RNF185: variants seen among roughly 807,000 people sequenced by gnomAD.
RNF185 encodes ring finger protein 185, also known as E3 ubiquitin-protein ligase RNF185.
RNF185 carries 13 observed loss-of-function variants against 24.9 expected under a neutral mutation model. The ratio of observed to expected loss-of-function variants is 0.52; its 90% CI spans 0.34 to 0.83. RNF185 has a LOEUF of 0.83. Ranked by LOEUF, RNF185 falls within the 40% of genes least tolerant of loss-of-function variation. The pLI is 0.01. For synonymous variants in RNF185, 79 were observed against 90.3 expected (o/e 0.88, Z 0.71); for missense variants, 184 against 244.7 (o/e 0.75, Z 1.65).
At chr22:31,171,236 C>G (rs1014029421) in intron 1 of RNF185, among the ~76,000 whole-genome samples, 1 of 151,596 alleles carries the variant, frequency 6.6e-6, no homozygotes, top group African/African-American at 2.4e-5. Context: ...ATGGCGCCAT[C>G]TTGGCTCACT....
intron 1 of RNF185, among the ~76,000 whole-genome samples, chr22:31,184,453 C>T (rs2147943252): frequency 6.6e-6 from 1 of 151,974 alleles, no homozygotes; most frequent in East Asian, 2.0e-4. Flanking sequence ...GGCAGAGGGG[C>T]TCCTCACATC....
intron 1 of RNF185, among the ~76,000 whole-genome samples, chr22:31,183,346 T>G (rs1347572059): frequency 6.6e-6 from 1 of 152,190 alleles, no homozygotes; most frequent in Non-Finnish European, 1.5e-5. Flanking sequence ...ACTTTATGGT[T>G]GTCTTTCCAA....
intron 2 of RNF185, among the ~76,000 whole-genome samples, chr22:31,189,683 G>A (rs1175108510): frequency 1.3e-5 from 2 of 150,276 alleles, no homozygotes; most frequent in African/African-American, 2.5e-5. Context: ...TCGGCTCACT[G>A]CAATCTCTGC....
chr22:31,175,021 C>T (rs576900523), intron 1 of RNF185, among the ~76,000 whole-genome samples: 52 of 151,196 alleles, frequency 3.4e-4, no homozygotes, highest in Non-Finnish European at 4.9e-4. Context: ...TGCGGTGAGC[C>T]GAGATCGCGC....
At position 31,204,789 on chromosome 22, in the gene RNF185, A is replaced by C; in HGVS notation, c.*203A>C. ...CCTGAATATCGCCACCGCTGTAAAC[A>C]CTCTATAACTTCAGGCCTTGGCATT... On this transcript the variant is annotated 3_prime_UTR_variant, in exon 7 of 7. Transcript: ENST00000326132. 2 of 541,100 alleles carry C rather than the reference A, an allele frequency of 3.7e-6. No individual in the cohort carries two copies. The highest frequency in any genetic ancestry group is 3.4e-6 in the Non-Finnish European group (1 of 298,082). The allele number at this position is 541,100 out of a possible 1,614,324, so 33.5% of individuals were successfully genotyped here. A position where few individuals can be genotyped will look rare whatever the true frequency, so the allele number is the denominator to read the frequency against.
intron 3 of RNF185, among the ~76,000 whole-genome samples, chr22:31,193,267 A>T (rs545984726): frequency 6.6e-6 from 1 of 152,286 alleles, no homozygotes; most frequent in African/African-American, 2.4e-5. Flanking sequence ...GGGAGGACAG[A>T]AGTTCCAGAC....
intron 2 of RNF185, among the ~76,000 whole-genome samples, chr22:31,188,694 G>A (rs1332837118): frequency 6.6e-6 from 1 of 151,962 alleles, no homozygotes; most frequent in African/African-American, 2.4e-5. Flanking sequence ...GGCGGTACCT[G>A]TAGTCCTAGC....
intron 1 of RNF185, among the ~76,000 whole-genome samples, chr22:31,186,808 G>A (rs1432272108): frequency 6.6e-6 from 1 of 152,182 alleles, no homozygotes; most frequent in Non-Finnish European, 1.5e-5. Context: ...AGGCTGCTCT[G>A]TATTTGGTGG....
At chr22:31,189,280 CTTTTTTTTTT>C (rs1050842065) in intron 2 of RNF185, among the ~76,000 whole-genome samples, 2 of 61,518 alleles carry the variant, frequency 3.3e-5, no homozygotes, top group Admixed American at 2.8e-4. Flanking sequence ...TGTTGTATAT[CTTTTTTTTTT>C]TTTTTTTTTT....
intron 1 of RNF185, among the ~76,000 whole-genome samples, chr22:31,183,878 G>A (rs1265346929): frequency 5.9e-5 from 9 of 152,248 alleles, no homozygotes; most frequent in Admixed American, 4.6e-4. Flanking sequence ...ATCATGGCCC[G>A]TTCTCAATGA....
intron 5 of RNF185, among the ~76,000 whole-genome samples, chr22:31,198,715 T>C (rs948495637): frequency 1.4e-5 from 2 of 142,796 alleles, no homozygotes; most frequent in Non-Finnish European, 3.0e-5. Flanking sequence ...TTTTTTTTTT[T>C]TTTTTTTTTT....
At chr22:31,187,831 A>G (rs181879097) in intron 2 of RNF185, among the ~76,000 whole-genome samples, 4 of 152,354 alleles carry the variant, frequency 2.6e-5, no homozygotes, top group Non-Finnish European at 4.4e-5. Context: ...TGAAGTGTCA[A>G]GGTCGGTGTC....
rs2048317963 is a variant in RNF185, at chr22:31,206,739, T to A, written c.*2153T>A. 1 of 152,222 alleles carries A rather than the reference T, an allele frequency of 6.6e-6. No individual in the cohort carries two copies. The highest frequency in any genetic ancestry group is 1.5e-5 in the Non-Finnish European group (1 of 68,052). 9.4% of individuals were successfully genotyped at this position (152,222 alleles called of 1,614,324 possible). A position where few individuals can be genotyped will look rare whatever the true frequency, so the allele number is the denominator to read the frequency against. On this transcript the variant is annotated 3_prime_UTR_variant, in exon 7 of 7. Transcript: ENST00000326132. ...GCTAAGTAAGGCAGGAGAGCTGACTTGGGACTCCTGGCTCGGCCCCAACAG... is the reference window on the plus strand; with the variant it reads ...GCTAAGTAAGGCAGGAGAGCTGACTAGGGACTCCTGGCTCGGCCCCAACAG...
intron 4 of RNF185, among the ~76,000 whole-genome samples, 198 bp downstream of exon 4, chr22:31,195,779 G>A (rs962508881): frequency 3.3e-5 from 5 of 152,198 alleles, no homozygotes; most frequent in Non-Finnish European, 1.5e-5. Context: ...ACCCAGCAGT[G>A]AACAGACATC....
In RNF185 at chr22:31,193,963, G is replaced by T. The variant is rs2048179806; in HGVS notation, c.195+1261G>T. ...GCTAGAGTGCAATGGTGAGATCTCG[G>T]CTCACTGGAACCTCCGCCTCCCGGG... is the stretch of plus-strand genomic sequence containing the variant. On this transcript the variant is annotated intron_variant, in intron 3 of 6. Coordinates refer to ENST00000326132, the MANE Select transcript of RNF185 (RefSeq NM_152267.4). Among the ~76,000 whole-genome samples the T allele has an allele frequency of 2.0e-5, 3 of 148,842 alleles. No individual in the cohort carries two copies. In the South Asian group the frequency reaches 6.5e-4, roughly 32 times the overall value.
At chr22:31,182,340 T>C (rs1277116754) in intron 1 of RNF185, among the ~76,000 whole-genome samples, 1 of 152,130 alleles carries the variant, frequency 6.6e-6, no homozygotes, top group Non-Finnish European at 1.5e-5. Context: ...CAGGCTGGAA[T>C]GCAGTGGTAT....
chr22:31,183,743 T>G (rs1308528234), intron 1 of RNF185, among the ~76,000 whole-genome samples: 1 of 152,242 alleles, frequency 6.6e-6, no homozygotes, highest in African/African-American at 2.4e-5. Context: ...GAAGAATTTT[T>G]CCTAGTACAG....
intron 1 of RNF185, among the ~76,000 whole-genome samples, chr22:31,183,769 G>C (rs377193843): frequency 1.3e-5 from 2 of 151,856 alleles, no homozygotes; most frequent in African/African-American, 4.8e-5. Context: ...AATGGAGTCT[G>C]CTATGTCTAC....
chr22:31,195,439 T>A (rs1191593183), intron 3 of RNF185, 30 bp from the exon 4 acceptor site: 1 of 1,507,302 alleles, frequency 6.6e-7, no homozygotes, highest in East Asian at 2.4e-5. Context: ...TCTTGGGCCA[T>A]CCACATGCAT....
Sources: gnomAD v4.1 joint callset for allele counts (sites outside exome capture counted in the v4.1 genomes callset) on GRCh38, gnomAD v4.1.1 for gene constraint, MANE v1.5 for transcripts, NCBI Gene and HGNC (gene_info 2026-07-23, HGNC 2026-07-21) for gene names.